KLF7: variants seen among roughly 807,000 people sequenced by gnomAD.
The protein encoded by KLF7 is KLF transcription factor 7.
KLF7 carries 2 observed loss-of-function variants against 27.3 expected under a neutral mutation model. The ratio of observed to expected loss-of-function variants is 0.07; its 90% CI spans 0.03 to 0.23. The LOEUF is 0.23. Among genes scored for constraint, KLF7 ranks in the 10% least tolerant of loss-of-function variants. The pLI, the probability that KLF7 is intolerant of heterozygous loss-of-function variation, is 1.00. For synonymous variants in KLF7, 165 were observed against 162.4 expected (o/e 1.02, Z -0.12); for missense variants, 221 against 394.1 (o/e 0.56, Z 3.72).
intron 2 of KLF7, among the ~76,000 whole-genome samples, chr2:207,100,117 A>T (rs2076729948): frequency 6.7e-6 from 1 of 148,218 alleles, no homozygotes; most frequent in African/African-American, 2.5e-5. Flanking sequence ...AGCCTGGGTG[A>T]CAGAGCGAGA....
intron 2 of KLF7, among the ~76,000 whole-genome samples, chr2:207,108,554 T>C (rs539468395): frequency 6.6e-6 from 1 of 152,358 alleles, no homozygotes; most frequent in East Asian, 1.9e-4. Flanking sequence ...ACCTTTTCTT[T>C]CCTCAGATCT....
intron 1 of KLF7, among the ~76,000 whole-genome samples, chr2:207,139,324 T>C (rs986814597): frequency 2.0e-5 from 3 of 152,230 alleles, no homozygotes; most frequent in Non-Finnish European, 2.9e-5. Flanking sequence ...TCTTGTAACC[T>C]TGGAGTCCCC....
At chr2:207,133,786 C>T (rs973050472) in intron 1 of KLF7, among the ~76,000 whole-genome samples, 1 of 152,170 alleles carries the variant, frequency 6.6e-6, no homozygotes, top group Non-Finnish European at 1.5e-5. Context: ...ACATTACTCG[C>T]CTCTTCTTCC....
chr2:207,124,125 C>A lies in KLF7; in HGVS notation c.382G>T (p.Ala128Ser). The change falls in exon 2 of 4, where the codon GCC (alanine) becomes TCC (serine). Residue 128 changes from alanine (A) to serine (S), a missense_variant. Ala to Ser is a moderately conservative substitution (Grantham distance 99). Transcript: ENST00000309446. ...AATGAGGTCACTGCGTTGAGCTGGG[C>A]CTGGTTGACGGCTGTGTAGCTGTCT... ...SLDSYTAVNQ[A>S]QLNAVTSLTP... The A allele has an allele frequency of 6.2e-7, 1 of 1,614,134 alleles. No individual in the cohort carries two copies. Among genetic ancestry groups the A allele is most frequent in the Non-Finnish European group, 8.5e-7 (1 of 1,180,034 alleles).
At chr2:207,092,950 C>T (rs1283198259) in intron 2 of KLF7, among the ~76,000 whole-genome samples, 1 of 152,188 alleles carries the variant, frequency 6.6e-6, no homozygotes, top group Non-Finnish European at 1.5e-5. Context: ...CTGGCCACTG[C>T]CCTGTAGGAT....
rs2076151299 is a variant in KLF7, at chr2:207,075,069, G to A, written c.*6144C>T. 1 of 152,052 alleles carries A rather than the reference G, an allele frequency of 6.6e-6. No homozygotes were observed. Among genetic ancestry groups the A allele is most frequent in the African/African-American group, 2.4e-5 (1 of 41,402 alleles). 9.4% of individuals were successfully genotyped at this position (152,052 alleles called of 1,614,324 possible). On this transcript the variant is annotated 3_prime_UTR_variant, in exon 4 of 4. Coordinates refer to ENST00000309446, the MANE Select transcript of KLF7 (RefSeq NM_003709.4). ...TTTTTTCCCCAGTGAAACAAGCTAA[G>A]GAGAAATACAGTAAAGTATTCCAAG...
chr2:207,086,220 CCT>C (rs2076387112), intron 3 of KLF7, among the ~76,000 whole-genome samples: 1 of 152,104 alleles, frequency 6.6e-6, no homozygotes, highest in African/African-American at 2.4e-5. Context: ...CTACAGATGC[CCT>C]CTGTTTCTGA....
intron 1 of KLF7, among the ~76,000 whole-genome samples, chr2:207,164,484 T>C (rs139899243): frequency 4.9e-4 from 71 of 145,950 alleles, no homozygotes; most frequent in African/African-American, 1.8e-3. Context: ...CTGCAGAATG[T>C]CCCCTCAGCA....
chr2:207,094,725 T>C (rs2076585556), intron 2 of KLF7, among the ~76,000 whole-genome samples: 2 of 152,348 alleles, frequency 1.3e-5, no homozygotes, highest in South Asian at 2.1e-4. Flanking sequence ...AAAATACCTA[T>C]GCTAAGTCAC....
At chr2:207,102,825 A>G (rs1234206701) in intron 2 of KLF7, among the ~76,000 whole-genome samples, 2 of 152,242 alleles carry the variant, frequency 1.3e-5, no homozygotes, top group Admixed American at 6.5e-5. Context: ...CACCCAGAAC[A>G]AAGACTGTAT....
At chr2:207,144,017 G>A (rs556683643) in intron 1 of KLF7, among the ~76,000 whole-genome samples, 10 of 152,214 alleles carry the variant, frequency 6.6e-5, no homozygotes, top group Non-Finnish European at 1.3e-4. Flanking sequence ...GGCCAGGGGA[G>A]GGGCAGGCTG....
At chr2:207,115,498 T>TA (rs1006788854) in intron 2 of KLF7, among the ~76,000 whole-genome samples, 1 of 152,230 alleles carries the variant, frequency 6.6e-6, no homozygotes, top group African/African-American at 2.4e-5. Flanking sequence ...GAGTGAGAAG[T>TA]AACTCCATCA....
rs1253932695 is a variant in KLF7 at position 207,078,127 on chromosome 2, T to G, written c.*3086A>C. 1 of 152,196 alleles carries G rather than the reference T, an allele frequency of 6.6e-6. No individual in the cohort carries two copies. The highest frequency in any genetic ancestry group is 1.5e-5 in the Non-Finnish European group (1 of 68,032). The allele number at this position is 152,196 out of a possible 1,614,324, so 9.4% of individuals were successfully genotyped here. A position where few individuals can be genotyped will look rare whatever the true frequency, so the allele number is the denominator to read the frequency against. On this transcript the variant is annotated 3_prime_UTR_variant, in exon 4 of 4. Transcript: ENST00000309446. ...GATGGACGTTTTATTACAAATCCATTTCCAAAATGATCAGGACTGGTCATC... is the reference window on the plus strand; with the variant it reads ...GATGGACGTTTTATTACAAATCCATGTCCAAAATGATCAGGACTGGTCATC...
chr2:207,173,414 T>G, the KLF7 span, among the ~76,000 whole-genome samples: 1 of 152,106 alleles, frequency 6.6e-6, no homozygotes, highest in Admixed American at 6.5e-5. Flanking sequence ...AATATGTGTG[T>G]TTTTTGTGAG....
chr2:207,103,934 G>A (rs961748988), intron 2 of KLF7, among the ~76,000 whole-genome samples: 1 of 152,178 alleles, frequency 6.6e-6, no homozygotes, highest in Non-Finnish European at 1.5e-5. Flanking sequence ...CCCAGTACCT[G>A]AATATACCTT....
At chr2:207,081,732 T>C (rs1240970327) in intron 3 of KLF7, among the ~76,000 whole-genome samples, 1 of 151,680 alleles carries the variant, frequency 6.6e-6, no homozygotes, top group Non-Finnish European at 1.5e-5. Context: ...GTCTATATCA[T>C]CAAAGGGTGG....
intron 3 of KLF7, among the ~76,000 whole-genome samples, chr2:207,085,336 G>A (rs1030140221): frequency 2.6e-5 from 4 of 152,070 alleles, no homozygotes; most frequent in Non-Finnish European, 4.4e-5. Context: ...CCCAAGAACT[G>A]GAATGTACTA....
chr2:207,124,958 G>C (rs1282159286), intron 1 of KLF7, among the ~76,000 whole-genome samples: 1 of 152,190 alleles, frequency 6.6e-6, no homozygotes, highest in Admixed American at 6.5e-5. Context: ...CTTGGGGATG[G>C]ATTCCATAAC....
Position 207,081,199 on chromosome 2 carries a change from G to A in KLF7, c.*14C>T. The A allele has an allele frequency of 6.2e-7, 1 of 1,613,116 alleles. No individual in the cohort carries two copies. Among genetic ancestry groups the A allele is most frequent in the Non-Finnish European group, 8.5e-7 (1 of 1,179,088 alleles). On this transcript the variant is annotated 3_prime_UTR_variant, in exon 4 of 4. Coordinates refer to ENST00000309446, the MANE Select transcript of KLF7 (RefSeq NM_003709.4). ...CACTAGCCGATGCCATGGCAACTCT[G>A]GCCTTTCGGTTTTTTAGATATGTCT... is the stretch of plus-strand genomic sequence containing the variant.
Sources: gnomAD v4.1 joint callset for allele counts (sites outside exome capture counted in the v4.1 genomes callset) on GRCh38, gnomAD v4.1.1 for gene constraint, MANE v1.5 for transcripts, NCBI Gene and HGNC (gene_info 2026-07-23, HGNC 2026-07-21) for gene names.